Variants in IL16 observed in about 807,000 individuals in gnomAD.
IL16 encodes interleukin 16.
A neutral mutation model predicts 110.1 loss-of-function variants in IL16; 67 were observed. That is an observed-to-expected ratio of 0.61 (90% CI 0.50 to 0.75). The LOEUF is 0.75. IL16 is among the 30% of genes least tolerant of loss of function. The probability of loss-of-function intolerance (pLI) is 0.00; values close to 1 mark genes in which losing one functional copy is unlikely to be tolerated. For synonymous variants in IL16, 689 were observed against 662.9 expected (o/e 1.04, Z -0.61); for missense variants, 1,545 against 1,655.0 (o/e 0.93, Z 1.15).
chr15:81,288,501 TACAG>T (rs1899552391), intron 10 of IL16, among the ~76,000 whole-genome samples: 1 of 152,242 alleles, frequency 6.6e-6, no homozygotes, highest in African/African-American at 2.4e-5. Context: ...TTTTTAAGTG[TACAG>T]TTCAGTGGCA....
chr15:81,273,661 G>A (rs908428197), intron 6 of IL16, among the ~76,000 whole-genome samples: 13 of 152,138 alleles, frequency 8.5e-5, no homozygotes, highest in South Asian at 4.2e-4. Flanking sequence ...CCCTTGTAAC[G>A]GATGAGTCTG....
Position 81,313,588 on chromosome 15 carries a change from A to G in IL16, c.*4790A>G. On this transcript the variant is annotated 3_prime_UTR_variant, in exon 19 of 19. Transcript: ENST00000683961. ...CTGCTGATTTTCAGGATGGAAACCC[A>G]TCCTGTCGGGGATGCATTCCACAGC... 2.2e-6 allele frequency: 1 copy of G among 447,358 alleles called. No individual in the cohort carries two copies. The highest frequency in any genetic ancestry group is 3.7e-5 in the East Asian group (1 of 26,912). The allele number at this position is 447,358 out of a possible 1,614,324, so 27.7% of individuals were successfully genotyped here.
At chr15:81,259,272 G>A (rs1484287178) in intron 2 of IL16, among the ~76,000 whole-genome samples, 1 of 152,200 alleles carries the variant, frequency 6.6e-6, no homozygotes, top group Admixed American at 6.5e-5. Flanking sequence ...CCAGAACAAT[G>A]TAACTTGCTC....
Position 81,303,546 on chromosome 15 carries a change from C to T in IL16, c.3319-3C>T. ...TTTTTGAATGTATGTATTTCCTCTG[C>T]AGCAATTAGACGGCATCCATGTCAC... On this transcript the variant is annotated splice_region_variant and splice_polypyrimidine_tract_variant and intron_variant, in intron 15 of 18. Transcript: ENST00000683961. This position sits in a 1 kb window ranked among gnomAD's most constrained non-coding sequence, Gnocchi z 4.1. 6.3e-7 allele frequency: 1 copy of T among 1,599,634 alleles called. No individual in the cohort carries two copies. Among genetic ancestry groups the T allele is most frequent in the Non-Finnish European group, 8.6e-7 (1 of 1,166,886 alleles).
At chr15:81,245,447 G>A (rs1897503840) in intron 2 of IL16, among the ~76,000 whole-genome samples, 1 of 151,820 alleles carries the variant, frequency 6.6e-6, no homozygotes, top group Admixed American at 6.6e-5. Flanking sequence ...TTCTCCAGAT[G>A]TTTTACACTA....
chr15:81,225,330 A>G lies in IL16; in HGVS notation c.-70A>G. On this transcript the variant is annotated 5_prime_UTR_variant, in exon 2 of 19. Transcript: ENST00000683961. ...ATGAAGTGGCAGCTAAGCCCTGTCCAGTGGCCACCCGTCAGCCAAGGGCCA... is the reference window on the plus strand; with the variant it reads ...ATGAAGTGGCAGCTAAGCCCTGTCCGGTGGCCACCCGTCAGCCAAGGGCCA... The G allele has an allele frequency of 6.4e-7, 1 of 1,570,584 alleles. No individual in the cohort carries two copies. The highest frequency in any genetic ancestry group is 2.3e-5 in the East Asian group (1 of 43,150).
chr15:81,237,931 G>C (rs1595980996), intron 2 of IL16, among the ~76,000 whole-genome samples: 1 of 151,974 alleles, frequency 6.6e-6, no homozygotes, highest in Non-Finnish European at 1.5e-5. Flanking sequence ...TTGAGACGGA[G>C]TCTTGCTCTG....
intron 1 of IL16, among the ~76,000 whole-genome samples, chr15:81,208,575 C>T (rs1566995616): frequency 6.6e-6 from 1 of 152,202 alleles, no homozygotes; most frequent in Non-Finnish European, 1.5e-5. Flanking sequence ...AGTGATCTGC[C>T]CACCTTGGCC....
At chr15:81,212,130 CTT>C (rs143918836) in intron 1 of IL16, among the ~76,000 whole-genome samples, 1 of 145,878 alleles carries the variant, frequency 6.9e-6, no homozygotes. Flanking sequence ...TTGTCTAGGG[CTT>C]TTTTTTTTGG....
chr15:81,192,334 C>T (rs1005518838), upstream of IL16, among the ~76,000 whole-genome samples: 1 of 152,172 alleles, frequency 6.6e-6, no homozygotes, highest in African/African-American at 2.4e-5. Context: ...GGTGCAGTGG[C>T]TCATGCCTAT....
At chr15:81,304,156 T>A (rs890996518) in intron 16 of IL16, among the ~76,000 whole-genome samples, 3 of 152,272 alleles carry the variant, frequency 2.0e-5, no homozygotes, top group African/African-American at 7.2e-5. Flanking sequence ...CAATCTGGCA[T>A]GTTCCTGCGT....
intron 1 of IL16, chr15:81,188,408 G>A (rs543518242): frequency 2.4e-5 from 11 of 456,288 alleles, no homozygotes; most frequent in African/African-American, 2.0e-4. Flanking sequence ...GAGCTGGTAC[G>A]TGTTGAACGT....
At chr15:81,199,031 ATAT>A (rs1197617957) in intron 1 of IL16, among the ~76,000 whole-genome samples, 34 of 96,768 alleles carry the variant, frequency 3.5e-4, no homozygotes, top group African/African-American at 6.0e-4. Context: ...AAAAAAAAAA[ATAT>A]ATATATATAT....
At position 81,282,771 on chromosome 15, in the gene IL16, C is replaced by G. The variant is rs747187872; in HGVS notation, c.1199+15C>G. On this transcript the variant is annotated intron_variant, in intron 9 of 18. Transcript: ENST00000683961. ...GGACGTCTCCGGTATGTCCTCACTT[C>G]TGTTTCTGAATATACCCCCGACTTA... The G allele has an allele frequency of 1.1e-5, 17 of 1,565,070 alleles. No homozygotes were observed. The highest frequency in any genetic ancestry group is 1.5e-5 in the Non-Finnish European group (17 of 1,135,528).
At chr15:81,282,453 TC>T (rs1219779195) in intron 8 of IL16, among the ~76,000 whole-genome samples, 185 bp from the exon 9 acceptor site, 1 of 152,180 alleles carries the variant, frequency 6.6e-6, no homozygotes, top group Non-Finnish European at 1.5e-5. Flanking sequence ...TCCCCACTAT[TC>T]CTTGCCTGCC....
At chr15:81,290,106 A>G (rs1899640093) in intron 10 of IL16, 1 of 347,102 alleles carries the variant, frequency 2.9e-6, no homozygotes, top group African/African-American at 2.1e-5. Flanking sequence ...GTTGATAATG[A>G]TGATGTCATG....
chr15:81,202,545 A>G (rs1895858976), intron 1 of IL16, among the ~76,000 whole-genome samples: 1 of 142,514 alleles, frequency 7.0e-6, no homozygotes, highest in South Asian at 2.2e-4. Flanking sequence ...CTCATTGTTC[A>G]ATTCCACCTA....
intron 6 of IL16, 62 bp from the exon 7 acceptor site, chr15:81,278,754 GT>G (rs1899028008): frequency 9.3e-7 from 1 of 1,070,188 alleles, no homozygotes; most frequent in South Asian, 1.2e-5. Context: ...AGAGTTAAAG[GT>G]AATGATAATG....
chr15:81,265,632 C>G (rs1325754869), intron 3 of IL16, 27 bp from the exon 4 acceptor site: 1 of 1,610,906 alleles, frequency 6.2e-7, no homozygotes, highest in Non-Finnish European at 8.5e-7. Flanking sequence ...CAAATGATTT[C>G]TTGCTGTTTT....
Sources: allele counts gnomAD v4.1 joint callset (sites outside exome capture counted in the v4.1 genomes callset), GRCh38; gene constraint gnomAD v4.1.1; non-coding constraint Gnocchi (gnomAD v3.1); transcripts MANE v1.5; gene names NCBI Gene and HGNC (gene_info 2026-07-23, HGNC 2026-07-21).